The following PCSK2 variants were observed in gnomAD, a reference collection of about 807,000 sequenced individuals.
PCSK2 encodes proprotein convertase subtilisin/kexin type 2, also known as neuroendocrine convertase 2.
Under a neutral mutation model 69.7 loss-of-function variants are expected in PCSK2, and 14 were observed. The observed-to-expected ratio is 0.20, with a 90% CI of 0.13 to 0.31. The LOEUF (loss-of-function observed/expected upper bound fraction) is 0.31. Ranked by LOEUF, PCSK2 falls within the 10% of genes least tolerant of loss-of-function variation. The pLI is 1.00. For synonymous variants in PCSK2, 307 were observed against 320.7 expected, an observed-to-expected ratio of 0.96 and a Z score of 0.46; for missense variants, 544 against 842.5, an observed-to-expected ratio of 0.65 and a Z score of 4.39.
intron 6 of PCSK2, among the ~76,000 whole-genome samples, chr20:17,429,215 C>G (rs1301460948): frequency 2.0e-5 from 3 of 151,832 alleles, no homozygotes; most frequent in Admixed American, 2.0e-4. Flanking sequence ...CAAAATGGGG[C>G]GCTTTACAGA....
chr20:17,301,065 G>C (rs1989063454), intron 2 of PCSK2, among the ~76,000 whole-genome samples: 1 of 152,188 alleles, frequency 6.6e-6, no homozygotes, highest in South Asian at 2.1e-4. Flanking sequence ...TTCAAGAGTG[G>C]GGTGTCGTTG....
intron 2 of PCSK2, among the ~76,000 whole-genome samples, chr20:17,274,567 T>C (rs1987986432): frequency 6.6e-6 from 1 of 151,842 alleles, no homozygotes; most frequent in Non-Finnish European, 1.5e-5. Context: ...CCAAGCCAGG[T>C]GGAGAGATTG....
intron 1 of PCSK2, among the ~76,000 whole-genome samples, chr20:17,230,663 G>T (rs919898634): frequency 2.6e-5 from 4 of 151,996 alleles, no homozygotes; most frequent in East Asian, 1.9e-4. Context: ...ATGGGTACGT[G>T]TATTTATGTC....
At chr20:17,477,538 A>T (rs2033314322) in intron 11 of PCSK2, among the ~76,000 whole-genome samples, 1 of 152,212 alleles carries the variant, frequency 6.6e-6, no homozygotes, top group Admixed American at 6.5e-5. Context: ...ATAAAGAAAC[A>T]TGAATAATGA....
chr20:17,289,994 CA>C (rs1372869188), intron 2 of PCSK2, among the ~76,000 whole-genome samples: 1 of 152,172 alleles, frequency 6.6e-6, no homozygotes, highest in Non-Finnish European at 1.5e-5. Context: ...TCAGTTTGCT[CA>C]TTGTTTAGGT....
intron 2 of PCSK2, among the ~76,000 whole-genome samples, chr20:17,355,428 A>C (rs1468999835): frequency 6.6e-6 from 1 of 152,166 alleles, no homozygotes; most frequent in Non-Finnish European, 1.5e-5. Flanking sequence ...CCGATTAGTG[A>C]GTAGAGCAGA....
chr20:17,357,618 G>A (rs1012311331), intron 2 of PCSK2, among the ~76,000 whole-genome samples: 7 of 152,314 alleles, frequency 4.6e-5, no homozygotes, highest in Middle Eastern at 3.4e-3. Flanking sequence ...TACTCAGCCA[G>A]GTGCGGTGGC....
intron 2 of PCSK2, among the ~76,000 whole-genome samples, chr20:17,348,102 A>G (rs1003056838): frequency 1.3e-5 from 2 of 150,770 alleles, no homozygotes; most frequent in Non-Finnish European, 3.0e-5. Context: ...AAAGAAAGAA[A>G]GAAAAGAAAA....
At chr20:17,266,105 G>T (rs1394880552) in intron 2 of PCSK2, among the ~76,000 whole-genome samples, 1 of 152,188 alleles carries the variant, frequency 6.6e-6, no homozygotes, top group East Asian at 1.9e-4. Flanking sequence ...CTGAGTTTAT[G>T]TCACTTATGT....
At chr20:17,360,348 A>C (rs1568617625) in intron 3 of PCSK2, among the ~76,000 whole-genome samples, 184 bp from the exon 4 acceptor site, 1 of 151,930 alleles carries the variant, frequency 6.6e-6, no homozygotes, top group African/African-American at 2.4e-5. Flanking sequence ...AAAAAAAAAA[A>C]ATGGAGAGGA....
chr20:17,479,464 C>T, intron 11 of PCSK2: 5 of 516,810 alleles, frequency 9.7e-6, no homozygotes, highest in South Asian at 2.0e-5. Flanking sequence ...GGCGGAGCTA[C>T]GCCTGTGCCT....
At chr20:17,317,046 TTC>T (rs1248534789) in intron 2 of PCSK2, among the ~76,000 whole-genome samples, 2 of 152,190 alleles carry the variant, frequency 1.3e-5, no homozygotes, top group African/African-American at 4.8e-5. Context: ...GAGTGCCACA[TTC>T]TCTCTTTTTG....
intron 2 of PCSK2, among the ~76,000 whole-genome samples, chr20:17,332,363 T>C (rs1990228519): frequency 6.6e-6 from 1 of 152,142 alleles, no homozygotes; most frequent in South Asian, 2.1e-4. Context: ...AGTTGGAGTG[T>C]CTTGGTGGAA....
chr20:17,406,636 C>G lies in PCSK2; in HGVS notation c.544-2627C>G, dbSNP rs150565878. On this transcript the variant is annotated intron_variant, in intron 5 of 11. Transcript: ENST00000262545. Reference sequence around the variant, plus strand: ...TCCGGCCAAACTATTTTCCCAGAGTCAGGAGCAGAGCCAACAGCCTCACTC... The same window carrying G: ...TCCGGCCAAACTATTTTCCCAGAGTGAGGAGCAGAGCCAACAGCCTCACTC... 1.8e-4 allele frequency among the ~76,000 whole-genome samples: 28 copies of G among 152,302 alleles called. No homozygotes were observed. In the East Asian group the frequency reaches 5.2e-3, roughly 28 times the overall value.
intron 7 of PCSK2, among the ~76,000 whole-genome samples, chr20:17,435,238 C>T (rs2032460517): frequency 6.6e-6 from 1 of 152,152 alleles, no homozygotes; most frequent in East Asian, 1.9e-4. Flanking sequence ...TATTTATTCA[C>T]CAAATATTTG....
chr20:17,361,889 G>A (rs918390264), intron 4 of PCSK2, among the ~76,000 whole-genome samples: 1 of 152,180 alleles, frequency 6.6e-6, no homozygotes, highest in Non-Finnish European at 1.5e-5. Flanking sequence ...TCTCACACTT[G>A]TTCTTGAAAA....
intron 11 of PCSK2, among the ~76,000 whole-genome samples, chr20:17,473,347 T>G (rs1247686123): frequency 6.6e-6 from 1 of 152,158 alleles, no homozygotes; most frequent in African/African-American, 2.4e-5. Context: ...CCCCTCGGCC[T>G]CGCAAAGTGC....
intron 2 of PCSK2, among the ~76,000 whole-genome samples, chr20:17,272,818 G>A (rs1987921856): frequency 6.6e-6 from 1 of 152,090 alleles, no homozygotes; most frequent in Admixed American, 6.6e-5. Context: ...GCTATTTGAA[G>A]ACTGTTTATA....
chr20:17,331,023 C>T (rs1990192119), intron 2 of PCSK2, among the ~76,000 whole-genome samples: 1 of 152,178 alleles, frequency 6.6e-6, no homozygotes, highest in African/African-American at 2.4e-5. Flanking sequence ...ACAAGGGAAG[C>T]TGGGTAAGCA....
Sources: allele counts gnomAD v4.1 joint callset (sites outside exome capture counted in the v4.1 genomes callset), GRCh38; gene constraint gnomAD v4.1.1; transcripts MANE v1.5; gene names NCBI Gene and HGNC (gene_info 2026-07-23, HGNC 2026-07-21).